The following PCSK2 variants were observed in gnomAD, a reference collection of about 807,000 sequenced individuals.
The protein encoded by PCSK2 is neuroendocrine convertase 2.
PCSK2 carries 14 observed loss-of-function variants against 69.7 expected under a neutral mutation model. That is an observed-to-expected ratio of 0.20 (90% CI 0.13 to 0.31). The LOEUF (loss-of-function observed/expected upper bound fraction) is 0.31, where lower values mean the gene tolerates loss of function less well. PCSK2 is among the 10% of genes least tolerant of loss of function. The probability of loss-of-function intolerance (pLI) is 1.00; values close to 1 mark genes in which losing one functional copy is unlikely to be tolerated. For missense variants in PCSK2, 544 were observed against 842.5 expected (o/e 0.65, Z 4.39); for synonymous variants, 307 against 320.7 (o/e 0.96, Z 0.46).
At chr20:17,422,633 A>G (rs955936823) in intron 6 of PCSK2, among the ~76,000 whole-genome samples, 3 of 152,088 alleles carry the variant, frequency 2.0e-5, no homozygotes, top group Non-Finnish European at 2.9e-5. Context: ...AAAGGAGAAA[A>G]AAGAGGAAGA....
At chr20:17,307,642 C>T (rs1989368370) in intron 2 of PCSK2, among the ~76,000 whole-genome samples, 1 of 152,180 alleles carries the variant, frequency 6.6e-6, no homozygotes, top group Non-Finnish European at 1.5e-5. Context: ...ATTGAATCCT[C>T]TTCCATATAC....
intron 1 of PCSK2, among the ~76,000 whole-genome samples, chr20:17,250,470 A>G (rs1986932606): frequency 6.6e-6 from 1 of 152,196 alleles, no homozygotes; most frequent in South Asian, 2.1e-4. Flanking sequence ...TCGCTTGGGT[A>G]AAGTGGTCTC....
intron 2 of PCSK2, among the ~76,000 whole-genome samples, chr20:17,278,400 A>G (rs568492530): frequency 6.6e-6 from 1 of 152,250 alleles, no homozygotes; most frequent in South Asian, 2.1e-4. Context: ...ATAAAAAATG[A>G]TGAGTTCATG....
At chr20:17,369,158 G>A (rs867551676) in intron 4 of PCSK2, 82 bp from the exon 5 acceptor site, 2 of 1,230,046 alleles carry the variant, frequency 1.6e-6, no homozygotes, top group Middle Eastern at 4.2e-4. Flanking sequence ...CCATAAAGAG[G>A]GCACTTTCTT....
At chr20:17,310,831 A>T (rs1989483644) in intron 2 of PCSK2, among the ~76,000 whole-genome samples, 1 of 151,782 alleles carries the variant, frequency 6.6e-6, no homozygotes, top group Non-Finnish European at 1.5e-5. Context: ...CTCTACTAAA[A>T]ATACAAAAAT....
rs1395373344 is a variant in PCSK2, at chr20:17,268,060, T to TATATATATAAAA, written c.282+7719_282+7720insTATATAAAAATA. Among the ~76,000 whole-genome samples the TATATATATAAAA allele has an allele frequency of 1.3e-3, 186 of 146,176 alleles. 2 individuals carry two copies. The highest frequency in any genetic ancestry group is 4.4e-3 in the African/African-American group (175 of 39,508). ...ATATATATATATATATATATATATATATAATGCATTTATATAGCCTCTATT... is the reference window on the plus strand; with the variant it reads ...ATATATATATATATATATATATATATATATATATAAAAATAATGCATTTATATAGCCTCTATT... On this transcript the variant is annotated intron_variant, in intron 2 of 11. Coordinates refer to ENST00000262545, the MANE Select transcript of PCSK2 (RefSeq NM_002594.5).
intron 11 of PCSK2, among the ~76,000 whole-genome samples, chr20:17,466,140 C>T (rs2033097099): frequency 6.6e-6 from 1 of 152,194 alleles, no homozygotes; most frequent in South Asian, 2.1e-4. Flanking sequence ...ATAAACATCA[C>T]CCAGCTCAAT....
chr20:17,365,392 A>G (rs186463314), intron 4 of PCSK2, among the ~76,000 whole-genome samples: 3 of 152,248 alleles, frequency 2.0e-5, no homozygotes, highest in Admixed American at 2.0e-4. Context: ...AAGTTTCAAC[A>G]TATATTTTAG....
intron 6 of PCSK2, among the ~76,000 whole-genome samples, chr20:17,417,486 A>T (rs756471736): frequency 6.6e-6 from 1 of 152,154 alleles, no homozygotes; most frequent in Non-Finnish European, 1.5e-5. Context: ...ATTTTCAAAG[A>T]TCCTCACGCA....
intron 7 of PCSK2, among the ~76,000 whole-genome samples, chr20:17,431,040 T>C (rs1231294778): frequency 1.3e-5 from 2 of 152,204 alleles, no homozygotes; most frequent in Non-Finnish European, 2.9e-5. Flanking sequence ...ATTCTCCTGC[T>C]GTCTTAGTTT....
chr20:17,352,168 G>T (rs965866189), intron 2 of PCSK2, among the ~76,000 whole-genome samples: 4 of 152,128 alleles, frequency 2.6e-5, no homozygotes, highest in African/African-American at 4.8e-5. Flanking sequence ...TCTACAAGGA[G>T]AACTACAAAA....
At chr20:17,455,693 G>A (rs2032906751) in intron 9 of PCSK2, among the ~76,000 whole-genome samples, 1 of 152,222 alleles carries the variant, frequency 6.6e-6, no homozygotes, top group Non-Finnish European at 1.5e-5. Flanking sequence ...TGGGGGTATT[G>A]ACATCACTTT....
At position 17,481,890 on chromosome 20, in the gene PCSK2, G is replaced by A. The variant is rs780477445; in HGVS notation, c.1737G>A (p.Pro579=). ...AGCTGGGATTTGTCGGCAGCGCCCC[G>A]CAGAAGGGGGTGCTGAAGGAGTGGA... ...TLELGFVGSA[P]QKGVLKEWTL... Residue 579 remains proline (P), a synonymous_variant, in exon 12 of 12, where the codon CCG becomes CCA. Coordinates refer to ENST00000262545, the MANE Select transcript of PCSK2 (RefSeq NM_002594.5). 3.1e-6 allele frequency: 5 copies of A among 1,613,822 alleles called. No individual in the cohort carries two copies. The highest frequency in any genetic ancestry group is 1.1e-5 in the South Asian group (1 of 91,090).
intron 1 of PCSK2, among the ~76,000 whole-genome samples, chr20:17,258,614 A>G (rs1418705614): frequency 6.6e-6 from 1 of 152,220 alleles, no homozygotes; most frequent in Non-Finnish European, 1.5e-5. Flanking sequence ...AATATGTACC[A>G]TAAACCCCAT....
At chr20:17,476,282 A>G (rs756310674) in intron 11 of PCSK2, among the ~76,000 whole-genome samples, 1 of 152,236 alleles carries the variant, frequency 6.6e-6, no homozygotes, top group Non-Finnish European at 1.5e-5. Context: ...TCAGATTCAA[A>G]TTCAACATAC....
intron 2 of PCSK2, among the ~76,000 whole-genome samples, chr20:17,303,524 A>AT (rs1568593831): frequency 0.072 from 2,719 of 37,758 alleles, 95 homozygotes; most frequent in East Asian, 0.17. Context: ...ATAATATAAT[A>AT]TATATTATAT....
intron 5 of PCSK2, among the ~76,000 whole-genome samples, chr20:17,403,641 T>C (rs541054148): frequency 9.2e-5 from 14 of 152,334 alleles, no homozygotes; most frequent in Admixed American, 9.2e-4. Context: ...CCTAGCTGGG[T>C]TATTTGGTTA....
intron 4 of PCSK2, 36 bp from the exon 5 acceptor site, chr20:17,369,204 A>C: frequency 6.2e-7 from 1 of 1,602,496 alleles, no homozygotes; most frequent in Non-Finnish European, 8.5e-7. Flanking sequence ...GCAGGTATTA[A>C]CCTTTGGTTC....
chr20:17,352,761 G>A (rs2030036262), intron 2 of PCSK2, among the ~76,000 whole-genome samples: 1 of 152,108 alleles, frequency 6.6e-6, no homozygotes, highest in Non-Finnish European at 1.5e-5. Flanking sequence ...AGAAAACCTA[G>A]GAAATGCCAT....
Sources: allele counts gnomAD v4.1 joint callset (sites outside exome capture counted in the v4.1 genomes callset), GRCh38; gene constraint gnomAD v4.1.1; transcripts MANE v1.5; gene names NCBI Gene and HGNC (gene_info 2026-07-23, HGNC 2026-07-21).